VIT: variants seen among roughly 807,000 people sequenced by gnomAD.
VIT encodes vitrin.
In VIT, 99 loss-of-function variants were observed where a neutral mutation model predicts 78.0. The observed-to-expected ratio is 1.27, with a 90% CI of 1.08 to 1.50. The LOEUF (loss-of-function observed/expected upper bound fraction) is 1.50, where lower values mean the gene tolerates loss of function less well. Ranked by LOEUF, VIT falls within the 40% of genes most tolerant of loss-of-function variation. VIT has a pLI of 0.00. For synonymous variants in VIT, 374 were observed against 334.3 expected, an observed-to-expected ratio of 1.12 and a Z score of -1.29; for missense variants, 1,126 against 875.3, an observed-to-expected ratio of 1.29 and a Z score of -3.61.
At chr2:36,803,189 C>T (rs1395403562) in intron 13 of VIT, among the ~76,000 whole-genome samples, 1 of 152,198 alleles carries the variant, frequency 6.6e-6, no homozygotes, top group African/African-American at 2.4e-5. Context: ...CAACCCCAAG[C>T]ACCTCTGCGG....
intron 7 of VIT, among the ~76,000 whole-genome samples, chr2:36,767,827 C>T (rs1669526027): frequency 6.6e-6 from 1 of 152,218 alleles, no homozygotes; most frequent in Non-Finnish European, 1.5e-5. Flanking sequence ...CCCATCTGAT[C>T]ATCTGATCTC....
At chr2:36,783,687 C>T (rs774016215) in intron 11 of VIT, among the ~76,000 whole-genome samples, 1 of 152,090 alleles carries the variant, frequency 6.6e-6, no homozygotes, top group African/African-American at 2.4e-5. Flanking sequence ...AGGAGACGGG[C>T]AGGTTAGCAG....
intron 2 of VIT, among the ~76,000 whole-genome samples, chr2:36,728,997 T>C (rs960804922): frequency 6.6e-6 from 1 of 152,110 alleles, no homozygotes; most frequent in Non-Finnish European, 1.5e-5. Flanking sequence ...TCATGCTAAG[T>C]GTCCTCTAAA....
chr2:36,727,274 T>C (rs1011943829), intron 2 of VIT, among the ~76,000 whole-genome samples: 3 of 152,144 alleles, frequency 2.0e-5, no homozygotes, highest in African/African-American at 4.8e-5. Context: ...CAGCCTTCCC[T>C]CAGGCACACT....
intron 11 of VIT, 142 bp from the exon 12 acceptor site, chr2:36,786,987 A>C: frequency 1.9e-6 from 2 of 1,044,232 alleles, no homozygotes; most frequent in South Asian, 1.6e-5. Context: ...GATGTAAATA[A>C]ATATACCCTG....
chr2:36,806,653 TCTC>T (rs1666750956), intron 14 of VIT, among the ~76,000 whole-genome samples: 1 of 152,118 alleles, frequency 6.6e-6, no homozygotes, highest in African/African-American at 2.4e-5. Flanking sequence ...TTCAAGCAAT[TCTC>T]CTGCCTCAGC....
intron 6 of VIT, among the ~76,000 whole-genome samples, chr2:36,762,110 C>G (rs1408080602): frequency 2.0e-5 from 3 of 152,184 alleles, no homozygotes; most frequent in Admixed American, 2.0e-4. Flanking sequence ...TGTACGTTCT[C>G]CGCAGCAGAG....
chr2:36,771,212 G>A (rs1669729364), intron 7 of VIT, among the ~76,000 whole-genome samples: 1 of 92,614 alleles, frequency 1.1e-5, no homozygotes. Context: ...AACTACAAAT[G>A]GCCAATAAAA....
chr2:36,709,877 G>C (rs891820677), intron 1 of VIT, among the ~76,000 whole-genome samples: 2 of 152,204 alleles, frequency 1.3e-5, no homozygotes, highest in African/African-American at 4.8e-5. Context: ...AGGAATTTGA[G>C]CTTTATTCTG....
At chr2:36,755,955 ATTTT>A (rs58344336) in intron 5 of VIT, among the ~76,000 whole-genome samples, 2 of 108,620 alleles carry the variant, frequency 1.8e-5, no homozygotes, top group Non-Finnish European at 1.8e-5. Flanking sequence ...ACAACACAGT[ATTTT>A]TTTTTTTTTT....
Position 36,808,593 on chromosome 2 carries a change from C to T in VIT, c.1511C>T (p.Thr504Ile), listed in dbSNP as rs1282748415. 2 of 1,614,176 alleles carry T rather than the reference C, an allele frequency of 1.2e-6. No homozygotes were observed. The highest frequency in any genetic ancestry group is 1.7e-5 in the Admixed American group (1 of 60,030). Residue 504 changes from threonine to isoleucine, a missense_variant, in exon 15 of 16, where the codon ACC (threonine) becomes ATC (isoleucine). Coordinates refer to ENST00000379242, the MANE Select transcript of VIT (RefSeq NM_053276.4). ...ACTGACCGCCTGGCCTGCAGCAAGA[C>T]CTGCTTGAACTCGGCTGACATTGGC... ...CDTDRLACSKTCLNSADIGFV... is the reference protein window; with the variant it reads ...CDTDRLACSKICLNSADIGFV...
chr2:36,797,226 A>T (rs1572558489), intron 12 of VIT, among the ~76,000 whole-genome samples: 1 of 152,198 alleles, frequency 6.6e-6, no homozygotes, highest in East Asian at 1.9e-4. Context: ...CAAAATGACA[A>T]ATACTGTACA....
chr2:36,791,947 G>A (rs1319887367), intron 12 of VIT, among the ~76,000 whole-genome samples: 2 of 152,178 alleles, frequency 1.3e-5, no homozygotes, highest in South Asian at 2.1e-4. Context: ...AAAAAAAAAG[G>A]GAGTGGGAGG....
chr2:36,726,818 C>CAAA lies in VIT; in HGVS notation c.53-2585_53-2583dup, dbSNP rs758452109. 1.6e-3 allele frequency among the ~76,000 whole-genome samples: 176 copies of CAAA among 111,514 alleles called. 5 individuals are homozygous for CAAA. Among genetic ancestry groups the CAAA allele is most frequent in the African/African-American group, 6.5e-3 (162 of 25,088 alleles). 73.2% of individuals were successfully genotyped at this position (111,514 alleles called of 152,430 possible). A position where few individuals can be genotyped will look rare whatever the true frequency, so the allele number is the denominator to read the frequency against. On this transcript the variant is annotated intron_variant, in intron 2 of 15. Coordinates refer to ENST00000379242, the MANE Select transcript of VIT (RefSeq NM_053276.4). The stretch of plus-strand genomic sequence containing the variant: ...TGGGCAACAGAGTGGGACTCTGTCT[C>CAAA]AAAAAAAAAAAAAAAAAAAAAAAAA...
intron 1 of VIT, among the ~76,000 whole-genome samples, chr2:36,709,141 C>A (rs1443463942): frequency 6.6e-6 from 1 of 152,128 alleles, no homozygotes; most frequent in Non-Finnish European, 1.5e-5. Flanking sequence ...CAGAGCGAAA[C>A]TCCGTCTCAA....
Position 36,810,052 on chromosome 2 carries a change from G to A in VIT, c.1903+1067G>A, listed in dbSNP as rs1322335277. On this transcript the variant is annotated intron_variant, in intron 15 of 15. Transcript: ENST00000379242. ...CACGCCTGTGATCCCAGCACTTTGG[G>A]AGGCTGAGGCGGGCGGATCACCCGA... Among the ~76,000 whole-genome samples the A allele has an allele frequency of 4.0e-5, 6 of 151,066 alleles. No homozygotes were observed. The East Asian group carries it at 1.2e-3, about 30-fold the overall frequency.
chr2:36,755,279 T>G (rs1668696585), intron 5 of VIT, among the ~76,000 whole-genome samples: 1 of 152,234 alleles, frequency 6.6e-6, no homozygotes, highest in Non-Finnish European at 1.5e-5. Context: ...CTTGTTTTAA[T>G]TACACTGCAG....
chr2:36,735,110 A>G (rs1157756267), intron 3 of VIT, among the ~76,000 whole-genome samples: 2 of 152,114 alleles, frequency 1.3e-5, no homozygotes, highest in African/African-American at 4.8e-5. Flanking sequence ...GCAGTGAGCC[A>G]AGACTGCACC....
intron 12 of VIT, among the ~76,000 whole-genome samples, chr2:36,798,807 A>G (rs1188807840): frequency 1.3e-5 from 2 of 152,182 alleles, no homozygotes; most frequent in East Asian, 3.9e-4. Context: ...CATAAGCCCT[A>G]GAACCCGAGG....
Sources: allele counts gnomAD v4.1 joint callset (sites outside exome capture counted in the v4.1 genomes callset), GRCh38; gene constraint gnomAD v4.1.1; transcripts MANE v1.5; gene names NCBI Gene and HGNC (gene_info 2026-07-23, HGNC 2026-07-21).